Variants in ITGB5 observed in about 807,000 individuals in gnomAD.
ITGB5 encodes the protein integrin beta-5.
ITGB5 carries 38 observed loss-of-function variants against 84.8 expected under a neutral mutation model. The observed-to-expected ratio is 0.45, with a 90% CI of 0.35 to 0.59. The LOEUF is 0.59. Among genes scored for constraint, ITGB5 ranks in the 20% least tolerant of loss-of-function variants. The pLI, the probability that ITGB5 is intolerant of heterozygous loss-of-function variation, is 0.01. For missense variants in ITGB5, 905 were observed against 1,034.5 expected (o/e 0.87, Z 1.72); for synonymous variants, 393 against 414.4 (o/e 0.95, Z 0.63).
At chr3:124,850,166 C>T (rs1318551823) in intron 3 of ITGB5, among the ~76,000 whole-genome samples, 1 of 152,018 alleles carries the variant, frequency 6.6e-6, no homozygotes, top group Non-Finnish European at 1.5e-5. Flanking sequence ...TTCCTCTCCT[C>T]CTCCCACCGT....
At chr3:124,895,176 T>C (rs1357779733) in intron 1 of ITGB5, among the ~76,000 whole-genome samples, 1 of 152,144 alleles carries the variant, frequency 6.6e-6, no homozygotes, top group Non-Finnish European at 1.5e-5. Context: ...ATGGGAACAC[T>C]CTTGGAAGCT....
chr3:124,864,824 G>GGTGTC (rs2065362922), intron 2 of ITGB5, among the ~76,000 whole-genome samples: 1 of 152,106 alleles, frequency 6.6e-6, no homozygotes, highest in African/African-American at 2.4e-5. Flanking sequence ...TCAGATCCCA[G>GGTGTC]AGACCTGACA....
At chr3:124,846,369 A>G (rs2065077735) in intron 4 of ITGB5, among the ~76,000 whole-genome samples, 1 of 151,542 alleles carries the variant, frequency 6.6e-6, no homozygotes, top group Non-Finnish European at 1.5e-5. Context: ...TCCCTGAGTT[A>G]CTGCATGGAG....
chr3:124,816,856 T>A (rs1258487386), intron 8 of ITGB5, among the ~76,000 whole-genome samples: 1 of 152,204 alleles, frequency 6.6e-6, no homozygotes, highest in Non-Finnish European at 1.5e-5. Flanking sequence ...GCACAGAATT[T>A]AATAGCCCCA....
intron 9 of ITGB5, among the ~76,000 whole-genome samples, chr3:124,803,335 G>A (rs2107528013): frequency 6.6e-6 from 1 of 152,272 alleles, no homozygotes; most frequent in Non-Finnish European, 1.5e-5. Flanking sequence ...CCCGATGCTT[G>A]AGGCTTCTGG....
intron 13 of ITGB5, among the ~76,000 whole-genome samples, chr3:124,765,854 C>G (rs965537929): frequency 1.3e-5 from 2 of 152,022 alleles, no homozygotes; most frequent in African/African-American, 4.8e-5. Flanking sequence ...CCCAGGAGTT[C>G]GAGACCAGCC....
chr3:124,796,253 G>C, intron 10 of ITGB5, 135 bp downstream of exon 10: 1 of 810,172 alleles, frequency 1.2e-6, no homozygotes, highest in Non-Finnish European at 2.0e-6. Context: ...AGCAAGGCTT[G>C]CCCACTGTCT....
intron 11 of ITGB5, among the ~76,000 whole-genome samples, chr3:124,771,139 T>TA (rs150902191): frequency 0.021 from 3,200 of 152,208 alleles, 132 homozygotes; most frequent in African/African-American, 0.073. Flanking sequence ...GTCTGCCTTT[T>TA]AAAAAAATTA....
At chr3:124,861,470 AC>A (rs1331796785) in intron 2 of ITGB5, among the ~76,000 whole-genome samples, 1 of 142,768 alleles carries the variant, frequency 7.0e-6, no homozygotes, top group African/African-American at 2.7e-5. Flanking sequence ...TGTTAAAAAA[AC>A]AAAACAAAAC....
At chr3:124,821,150 A>G (rs1310078045) in intron 6 of ITGB5, among the ~76,000 whole-genome samples, 163 bp downstream of exon 6, 3 of 152,246 alleles carry the variant, frequency 2.0e-5, no homozygotes, top group East Asian at 1.9e-4. Context: ...CCGGAAACCC[A>G]GTTGGAGAAG....
chr3:124,851,330 G>A (rs1384876106), intron 3 of ITGB5, among the ~76,000 whole-genome samples: 2 of 152,102 alleles, frequency 1.3e-5, no homozygotes, highest in African/African-American at 4.8e-5. Context: ...CCACACAAAT[G>A]TTCCTACACA....
chr3:124,845,787 A>G (rs1209163996), intron 4 of ITGB5, among the ~76,000 whole-genome samples: 1 of 152,202 alleles, frequency 6.6e-6, no homozygotes, highest in African/African-American at 2.4e-5. Context: ...GACAGGGCCC[A>G]ATTAGGACAG....
chr3:124,798,080 G>T (rs1232059713), intron 9 of ITGB5, among the ~76,000 whole-genome samples: 2 of 58,634 alleles, frequency 3.4e-5, no homozygotes, highest in Non-Finnish European at 6.2e-5. Flanking sequence ...TTGAGGTGGA[G>T]TCTCGCTCTG....
chr3:124,796,431 G>A lies in ITGB5; in HGVS notation c.1650C>T (p.Cys550=), dbSNP rs144237800. ...FGKIYGPFCE[C]DNFSCARNKG... is the part of the protein sequence containing the mutation. ...TGTTCCTGGCACAGGAGAAGTTGTC[G>A]CACTCACAGAAAGGCCCATAGATCT... The change falls in exon 10 of 15, where the codon TGC becomes TGT. Residue 550 remains cysteine, a synonymous_variant. Transcript: ENST00000296181. 692 of 1,613,862 alleles carry A rather than the reference G, an allele frequency of 4.3e-4. 10 individuals carry two copies. In the East Asian group the frequency reaches 0.013, roughly 30 times the overall value.
At chr3:124,886,669 C>T (rs1461920560) in intron 1 of ITGB5, among the ~76,000 whole-genome samples, 3 of 151,944 alleles carry the variant, frequency 2.0e-5, no homozygotes, top group Non-Finnish European at 2.9e-5. Context: ...CGGGCTAGGT[C>T]AGCAGGCCGG....
rs375230015 is a variant in ITGB5, at chr3:124,763,387, C to A, written c.*236G>T. 8.0e-5 allele frequency: 29 copies of A among 362,818 alleles called. No homozygotes were observed. The highest frequency in any genetic ancestry group is 7.1e-4 in the East Asian group (14 of 19,804). 22.5% of individuals were successfully genotyped at this position (362,818 alleles called of 1,614,324 possible). ...GGAAAGCTGAGAGCGCCAAGGTCCC[C>A]TTGCTTTATCCCAAGCTCGGAGGGA... On this transcript the variant is annotated 3_prime_UTR_variant, in exon 15 of 15. Transcript: ENST00000296181.
At chr3:124,843,668 T>C (rs3772847) in intron 4 of ITGB5, among the ~76,000 whole-genome samples, 27,854 of 152,044 alleles carry the variant, frequency 0.18, 2,570 homozygotes, top group South Asian at 0.21. Context: ...CCACTGACAC[T>C]GGAATAGGAT....
chr3:124,769,155 G>T (rs2063807519), intron 11 of ITGB5, 42 bp from the exon 12 acceptor site: 1 of 1,525,512 alleles, frequency 6.6e-7, no homozygotes. Flanking sequence ...AGATAATGTA[G>T]AACAGTCCCA....
intron 10 of ITGB5, among the ~76,000 whole-genome samples, chr3:124,793,614 CAT>C (rs1217980886): frequency 6.6e-6 from 1 of 152,246 alleles, no homozygotes; most frequent in African/African-American, 2.4e-5. Context: ...GCTTCACACA[CAT>C]CTCTTATTCC....
Sources: allele counts gnomAD v4.1 joint callset (sites outside exome capture counted in the v4.1 genomes callset), GRCh38; gene constraint gnomAD v4.1.1; transcripts MANE v1.5; gene names NCBI Gene and HGNC (gene_info 2026-07-23, HGNC 2026-07-21).